PTPRD: variants seen among roughly 807,000 people sequenced by gnomAD.
The protein encoded by PTPRD is receptor-type tyrosine-protein phosphatase delta.
In PTPRD, 34 loss-of-function variants were observed where a neutral mutation model predicts 214.5. The ratio of observed to expected loss-of-function variants is 0.16; its 90% CI spans 0.12 to 0.21. The LOEUF is 0.21. Ranked by LOEUF, PTPRD falls within the 10% of genes least tolerant of loss-of-function variation. The pLI is 1.00. For synonymous variants in PTPRD, 1,128 were observed against 845.7 expected (o/e 1.33, Z -5.79); for missense variants, 2,545 against 2,398.7 (o/e 1.06, Z -1.27).
At chr9:8,339,093 A>C (rs1355759974) in intron 42 of PTPRD, 46 bp from the exon 43 acceptor site, 1 of 1,562,678 alleles carries the variant, frequency 6.4e-7, no homozygotes, top group Non-Finnish European at 8.7e-7. Flanking sequence ...AGTATAAAGA[A>C]CATTCTGTAT....
At chr9:8,563,697 T>C (rs2087507728) in intron 14 of PTPRD, among the ~76,000 whole-genome samples, 1 of 152,080 alleles carries the variant, frequency 6.6e-6, no homozygotes, top group African/African-American at 2.4e-5. Flanking sequence ...GGCCTCCCTC[T>C]GTCACCCAGG....
At chr9:8,902,345 CTTTT>C (rs36112845) in intron 11 of PTPRD, among the ~76,000 whole-genome samples, 3 of 133,152 alleles carry the variant, frequency 2.3e-5, no homozygotes, top group Non-Finnish European at 3.3e-5. Context: ...CTTTCTTTTT[CTTTT>C]TTTTTTTTTT....
intron 34 of PTPRD, among the ~76,000 whole-genome samples, chr9:8,442,734 T>C (rs1320693436): frequency 6.6e-6 from 1 of 152,180 alleles, no homozygotes; most frequent in Non-Finnish European, 1.5e-5. Flanking sequence ...TCTGCTATAT[T>C]TGTTATTTGT....
intron 4 of PTPRD, among the ~76,000 whole-genome samples, chr9:9,973,287 G>T (rs575211278): frequency 1.4e-5 from 2 of 144,556 alleles, no homozygotes; most frequent in South Asian, 4.4e-4. Context: ...ACATAGTGGT[G>T]AGACCTTGTC....
chr9:9,415,826 A>G (rs2076831081), intron 8 of PTPRD, among the ~76,000 whole-genome samples: 1 of 152,170 alleles, frequency 6.6e-6, no homozygotes. Flanking sequence ...AAAAGCCTTT[A>G]AAAGCAGGAA....
chr9:9,103,030 G>A (rs2099793446), intron 10 of PTPRD, among the ~76,000 whole-genome samples: 1 of 151,998 alleles, frequency 6.6e-6, no homozygotes, highest in Non-Finnish European at 1.5e-5. Context: ...TCTTATTTGT[G>A]GAAGCATGTA....
At chr9:8,619,634 C>G (rs1465542254) in intron 14 of PTPRD, among the ~76,000 whole-genome samples, 1 of 151,950 alleles carries the variant, frequency 6.6e-6, no homozygotes, top group Non-Finnish European at 1.5e-5. Flanking sequence ...ACATCCCACT[C>G]CACCCCATCT....
intron 11 of PTPRD, among the ~76,000 whole-genome samples, chr9:8,781,951 A>G (rs2095717318): frequency 6.6e-6 from 1 of 152,054 alleles, no homozygotes. Flanking sequence ...GTATGGTGTT[A>G]GCAGTGGACA....
chr9:9,902,003 G>C (rs1169864273), intron 5 of PTPRD, among the ~76,000 whole-genome samples: 2 of 152,098 alleles, frequency 1.3e-5, no homozygotes, highest in Non-Finnish European at 2.9e-5. Flanking sequence ...TTCACAGTTA[G>C]TATCATATGA....
intron 11 of PTPRD, among the ~76,000 whole-genome samples, chr9:9,002,896 T>G (rs2099429558): frequency 6.6e-6 from 1 of 152,084 alleles, no homozygotes; most frequent in Non-Finnish European, 1.5e-5. Context: ...GATTTTACTT[T>G]CAGTGGTATG....
At chr9:10,368,362 T>C (rs1339456119) in intron 2 of PTPRD, among the ~76,000 whole-genome samples, 1 of 152,152 alleles carries the variant, frequency 6.6e-6, no homozygotes, top group African/African-American at 2.4e-5. Flanking sequence ...GGATTTTCTT[T>C]GCTAGAGACA....
intron 4 of PTPRD, among the ~76,000 whole-genome samples, chr9:9,999,765 C>T (rs2096263265): frequency 6.6e-6 from 1 of 152,170 alleles, no homozygotes; most frequent in Non-Finnish European, 1.5e-5. Context: ...GTTTTGCTTA[C>T]AGCAGGAGTA....
At chr9:10,236,843 T>C (rs2099630627) in intron 3 of PTPRD, among the ~76,000 whole-genome samples, 1 of 151,950 alleles carries the variant, frequency 6.6e-6, no homozygotes, top group Non-Finnish European at 1.5e-5. Flanking sequence ...ATTTTAATAT[T>C]TTAAGGTTAA....
chr9:10,375,820 T>G (rs1446400274), intron 2 of PTPRD, among the ~76,000 whole-genome samples: 1 of 152,020 alleles, frequency 6.6e-6, no homozygotes, highest in Non-Finnish European at 1.5e-5. Flanking sequence ...TAAGAGATAG[T>G]GTTCACAATG....
At chr9:9,908,346 G>A (rs2078198671) in intron 5 of PTPRD, among the ~76,000 whole-genome samples, 1 of 152,056 alleles carries the variant, frequency 6.6e-6, no homozygotes. Context: ...AGGGAACAGA[G>A]GGCATTTCAA....
In PTPRD at chr9:10,021,495, G is replaced by A. The variant is rs1438051323; in HGVS notation, c.-472+12223C>T. ...GGCTGGAGTGCAGTGGCATGATCTC[G>A]GCTCACTGCGACCTCCACTTCTCGG... On this transcript the variant is annotated intron_variant, in intron 4 of 45. Transcript: ENST00000381196. 1.6e-4 allele frequency among the ~76,000 whole-genome samples: 2 copies of A among 12,438 alleles called. 1 individual carries two copies. The highest frequency in any genetic ancestry group is 2.7e-4 in the Non-Finnish European group (2 of 7,340). 8.2% of individuals were successfully genotyped at this position (12,438 alleles called of 152,430 possible). A position where few individuals can be genotyped will look rare whatever the true frequency, so the allele number is the denominator to read the frequency against.
At chr9:10,429,471 T>A (rs953706540) in intron 2 of PTPRD, among the ~76,000 whole-genome samples, 1 of 151,924 alleles carries the variant, frequency 6.6e-6, no homozygotes, top group Non-Finnish European at 1.5e-5. Context: ...GCGGTGTATA[T>A]GCACAGTAAG....
intron 5 of PTPRD, among the ~76,000 whole-genome samples, chr9:9,774,144 C>G (rs1017760181): frequency 1.3e-5 from 2 of 152,102 alleles, no homozygotes; most frequent in African/African-American, 4.8e-5. Context: ...ATCAAGAGTT[C>G]CAGGTCACAG....
intron 7 of PTPRD, among the ~76,000 whole-genome samples, chr9:9,729,952 A>T (rs2098159920): frequency 6.6e-6 from 1 of 152,130 alleles, no homozygotes; most frequent in African/African-American, 2.4e-5. Flanking sequence ...ATATGCTTAA[A>T]AAGTCAAAAC....
Sources: gnomAD v4.1 joint callset for allele counts (sites outside exome capture counted in the v4.1 genomes callset) on GRCh38, gnomAD v4.1.1 for gene constraint, MANE v1.5 for transcripts, NCBI Gene and HGNC (gene_info 2026-07-23, HGNC 2026-07-21) for gene names.